The following SLC47A2 variants were observed in gnomAD, a reference collection of about 807,000 sequenced individuals.
SLC47A2 encodes multidrug and toxin extrusion protein 2.
In SLC47A2, 52 loss-of-function variants were observed where a neutral mutation model predicts 67.7. The ratio of observed to expected loss-of-function variants is 0.77; its 90% CI spans 0.61 to 0.97. SLC47A2 has a LOEUF of 0.97. SLC47A2 is among the 50% of genes least tolerant of loss of function. The pLI, the probability that SLC47A2 is intolerant of heterozygous loss-of-function variation, is 0.00. For missense variants in SLC47A2, 676 were observed against 712.3 expected, an observed-to-expected ratio of 0.95 and a Z score of 0.58; for synonymous variants, 278 against 292.9, an observed-to-expected ratio of 0.95 and a Z score of 0.52.
At chr17:19,712,538 A>T (rs1005104700) in intron 5 of SLC47A2, among the ~76,000 whole-genome samples, 165 bp downstream of exon 5, 8 of 152,174 alleles carry the variant, frequency 5.3e-5, no homozygotes, top group South Asian at 2.1e-4. Flanking sequence ...TATTTTTTTT[A>T]AATTCAATTT....
chr17:19,717,242 G>A (rs1251042360), upstream of SLC47A2: 2 of 152,456 alleles, frequency 1.3e-5, no homozygotes, highest in African/African-American at 4.8e-5. Flanking sequence ...ATATCTGAGA[G>A]CCAGGGGTGG....
At chr17:19,707,512 T>C (rs1237492658) in intron 8 of SLC47A2, among the ~76,000 whole-genome samples, 1 of 152,184 alleles carries the variant, frequency 6.6e-6, no homozygotes, top group South Asian at 2.1e-4. Flanking sequence ...GAAAGCTCCC[T>C]GGGCCAGGCT....
At position 19,685,007 on chromosome 17, in the gene SLC47A2, G is replaced by A. The variant is rs2085395315; in HGVS notation, c.1165-3337C>T. ...ATTCCAGGCACGCGCTGCCACTCCT[G>A]ACTGGTTTTTGTATTTTTGGTGGAG... On this transcript the variant is annotated intron_variant, in intron 13 of 16. Coordinates refer to ENST00000433844, the MANE Select transcript of SLC47A2 (RefSeq NM_001099646.3). The surrounding 1 kb of genome is among the most constrained non-coding windows in gnomAD (Gnocchi z 4.5). Among the ~76,000 whole-genome samples the A allele has an allele frequency of 6.6e-6, 1 of 152,102 alleles. No homozygotes were observed. The highest frequency in any genetic ancestry group is 2.1e-4 in the South Asian group (1 of 4,818).
chr17:19,717,216 C>T (rs1467663790), upstream of SLC47A2: 1 of 152,588 alleles, frequency 6.6e-6, no homozygotes, highest in Non-Finnish European at 1.5e-5. Flanking sequence ...CACTGCCCGT[C>T]ACCCCTTTCA....
At chr17:19,715,740 C>G (rs12450979) in intron 1 of SLC47A2, 12,800 of 126,496 alleles carry the variant, frequency 0.1, 839 homozygotes, top group East Asian at 0.24. Flanking sequence ...GAGTTTCGCC[C>G]TTGTTGCCCA....
rs1567613171 is a variant in SLC47A2 at position 19,680,017 on chromosome 17, T to TGCC, written c.1412_1414dup (p.Arg471dup). On this transcript the variant is annotated inframe_insertion, in exon 16 of 17. Transcript: ENST00000433844. ...AGTGCTCTCTGCTCTCTGCTGCTGC[T>TGCC]GCCGGCCTGAATGTTTCTTAGCCTA... 6.2e-7 allele frequency: 1 copy of TGCC among 1,614,050 alleles called. No individual in the cohort carries two copies. The highest frequency in any genetic ancestry group is 8.5e-7 in the Non-Finnish European group (1 of 1,179,978).
intron 8 of SLC47A2, 96 bp downstream of exon 8, chr17:19,707,650 C>G: frequency 9.3e-7 from 1 of 1,070,522 alleles, no homozygotes; most frequent in Non-Finnish European, 1.4e-6. Context: ...CCAACAGGCT[C>G]TACTGCACCC....
chr17:19,681,083 G>A (rs147392713), intron 15 of SLC47A2, among the ~76,000 whole-genome samples: 108 of 152,178 alleles, frequency 7.1e-4, no homozygotes, highest in African/African-American at 2.5e-3. Context: ...CGTGGTGGCG[G>A]GTGCCTGTAG....
intron 4 of SLC47A2, among the ~76,000 whole-genome samples, chr17:19,713,413 AATC>A (rs549694670): frequency 2.1e-4 from 31 of 147,774 alleles, no homozygotes; most frequent in South Asian, 2.2e-4. Flanking sequence ...TAATAATAAT[AATC>A]ATCATCATCA....
At chr17:19,716,791 C>T (rs1454826353), upstream of SLC47A2, 7 of 541,612 alleles carry the variant, frequency 1.3e-5, no homozygotes, top group Non-Finnish European at 2.2e-5. Flanking sequence ...CTGGGAGTCA[C>T]CCAGACCGCT....
In SLC47A2 at chr17:19,705,433, T is replaced by C. The variant is rs375786468; in HGVS notation, c.909+3A>G. ...GGGGAAGGCACCCCTGCAGGAGCCT[T>C]ACCATGTAGGTCACAGTGGCCACCT... On this transcript the variant is annotated splice_donor_region_variant and intron_variant, in intron 10 of 16. Coordinates refer to ENST00000433844, the MANE Select transcript of SLC47A2 (RefSeq NM_001099646.3). 3.0e-5 allele frequency: 49 copies of C among 1,610,738 alleles called. No homozygotes were observed. In the South Asian group the frequency reaches 3.7e-4, roughly 12 times the overall value.
chr17:19,706,453 G>A (rs1223693733), intron 9 of SLC47A2, among the ~76,000 whole-genome samples, 195 bp downstream of exon 9: 1 of 152,234 alleles, frequency 6.6e-6, no homozygotes, highest in Non-Finnish European at 1.5e-5. Context: ...GCAACAGACG[G>A]ATCAGCCCCG....
Position 19,713,937 on chromosome 17 carries a change from TCACGCC to T in SLC47A2, c.325_330del (p.Gly109_Val110del), listed in dbSNP as rs773643675. ...AGGACCAGCGCGCCCCGCTGCAGGA[TCACGCC>T]CACGTGCTTCTTGTTGGGGCTGCCG... is the stretch of plus-strand genomic sequence containing the variant. On this transcript the variant is annotated inframe_deletion, in exon 4 of 17. Transcript: ENST00000433844. The T allele has an allele frequency of 6.2e-7, 1 of 1,613,484 alleles. No individual in the cohort carries two copies. The highest frequency in any genetic ancestry group is 8.5e-7 in the Non-Finnish European group (1 of 1,179,666).
intron 16 of SLC47A2, among the ~76,000 whole-genome samples, chr17:19,679,607 C>T (rs923998467): frequency 6.6e-6 from 1 of 152,180 alleles, no homozygotes; most frequent in Non-Finnish European, 1.5e-5. Context: ...GCTCTTGAAT[C>T]TGACGGGTTG....
intron 5 of SLC47A2, among the ~76,000 whole-genome samples, chr17:19,712,318 C>T (rs1422245808): frequency 2.0e-5 from 3 of 152,118 alleles, no homozygotes; most frequent in East Asian, 1.9e-4. Flanking sequence ...ACCCAGGAGG[C>T]GGAGGTTGCA....
chr17:19,687,565 G>C (rs76022370), intron 13 of SLC47A2, among the ~76,000 whole-genome samples: 1,771 of 151,768 alleles, frequency 0.012, 12 homozygotes, highest in East Asian at 0.026. Flanking sequence ...GAAATGAAAA[G>C]TTGTTTTTTT....
chr17:19,703,117 G>A lies in SLC47A2; in HGVS notation c.1069C>T (p.Leu357=). 6.2e-7 allele frequency: 1 copy of A among 1,614,170 alleles called. No homozygotes were observed. The stretch of plus-strand genomic sequence containing the variant: ...TCATCATTGGTAAAAATATGCCCCA[G>A]CTGATTTTTCAGGATGCTTATCAGG... ...GTLISILKNQ[L]GHIFTNDEDV... is the part of the protein sequence containing the mutation. The change falls in exon 12 of 17, where the codon CTG becomes TTG. Residue 357 remains leucine, a synonymous_variant. Transcript: ENST00000433844.
At chr17:19,688,990 C>A (rs765059314) in intron 13 of SLC47A2, among the ~76,000 whole-genome samples, 1 of 152,054 alleles carries the variant, frequency 6.6e-6, no homozygotes, top group Admixed American at 6.6e-5. Flanking sequence ...CTCAGCCTCT[C>A]AAGTAGTTAG....
Position 19,681,583 on chromosome 17 carries a change from G to T in SLC47A2, c.1252C>A (p.Pro418Thr), listed in dbSNP as rs139110700. Residue 418 changes from proline (P) to threonine (T), a missense_variant, in exon 14 of 17, where the codon CCA (proline) becomes ACA (threonine). By Grantham distance (38) the Pro-to-Thr change is conservative. Coordinates refer to ENST00000433844, the MANE Select transcript of SLC47A2 (RefSeq NM_001099646.3). ...ACAAAGGTCAGAAGGATGCCCAGTGGTAGGCCGATGATGTAATATGTGATG... is the reference window on the plus strand; with the variant it reads ...ACAAAGGTCAGAAGGATGCCCAGTGTTAGGCCGATGATGTAATATGTGATG... The part of the protein sequence containing the change: ...NAITYYIIGL[P>T]LGILLTFVVR... 7.4e-4 allele frequency: 1,199 copies of T among 1,614,174 alleles called. No individual in the cohort carries two copies. Among genetic ancestry groups the T allele is most frequent in the Non-Finnish European group, 9.7e-4 (1,148 of 1,180,036 alleles).
Sources: gnomAD v4.1 joint callset for allele counts (sites outside exome capture counted in the v4.1 genomes callset) on GRCh38, gnomAD v4.1.1 for gene constraint, Gnocchi (gnomAD v3.1) non-coding constraint, MANE v1.5 for transcripts, NCBI Gene and HGNC (gene_info 2026-07-23, HGNC 2026-07-21) for gene names.